PIK3C2G: variants seen among roughly 807,000 people sequenced by gnomAD.
The protein encoded by PIK3C2G is phosphatidylinositol-4-phosphate 3-kinase catalytic subunit type 2 gamma.
A neutral mutation model predicts 181.1 loss-of-function variants in PIK3C2G; 168 were observed. The observed-to-expected ratio is 0.93, with a 90% CI of 0.82 to 1.05. The LOEUF (loss-of-function observed/expected upper bound fraction) is 1.05. PIK3C2G is among the 50% of genes least tolerant of loss of function. The pLI is 0.00. For missense variants in PIK3C2G, 1,869 were observed against 1,732.8 expected, an observed-to-expected ratio of 1.08 and a Z score of -1.40; for synonymous variants, 573 against 592.2, an observed-to-expected ratio of 0.97 and a Z score of 0.47.
At chr12:18,651,346 C>T (rs1025534208), downstream of PIK3C2G, among the ~76,000 whole-genome samples, 2 of 152,132 alleles carry the variant, frequency 1.3e-5, no homozygotes, top group African/African-American at 4.8e-5. Flanking sequence ...TGCAAGCTGC[C>T]CTGTCCCTGG....
intron 24 of PIK3C2G, among the ~76,000 whole-genome samples, chr12:18,518,816 TG>T (rs1293947228): frequency 1.3e-5 from 2 of 152,206 alleles, no homozygotes; most frequent in Non-Finnish European, 2.9e-5. Context: ...TTAATTTAAT[TG>T]TGATGTTAGA....
intron 22 of PIK3C2G, 43 bp from the exon 23 acceptor site, chr12:18,503,238 G>T (rs367563369): frequency 6.8e-7 from 1 of 1,473,924 alleles, no homozygotes; most frequent in Non-Finnish European, 9.2e-7. Context: ...CCCTCATCTT[G>T]TGATGAAGGA....
At chr12:18,267,529 C>T (rs1286348345) in intron 1 of PIK3C2G, among the ~76,000 whole-genome samples, 1 of 152,122 alleles carries the variant, frequency 6.6e-6, no homozygotes, top group Non-Finnish European at 1.5e-5. Flanking sequence ...AATTACTCGT[C>T]CTTTGAATTC....
At chr12:18,684,112 A>G in the PIK3C2G span, 1 of 1,610,148 alleles carries the variant, frequency 6.2e-7, no homozygotes. Context: ...ACAATCATCT[A>G]ACTTTTAGGG....
intron 11 of PIK3C2G, among the ~76,000 whole-genome samples, chr12:18,361,687 T>G (rs1377742870): frequency 6.6e-6 from 1 of 152,188 alleles, no homozygotes; most frequent in Non-Finnish European, 1.5e-5. Context: ...GTTTTCTTGC[T>G]TTTTCTGGTG....
At chr12:18,347,211 G>A (rs986349925) in intron 11 of PIK3C2G, among the ~76,000 whole-genome samples, 3 of 149,710 alleles carry the variant, frequency 2.0e-5, no homozygotes, top group African/African-American at 7.4e-5. Flanking sequence ...GAGATAGAGA[G>A]TCTTTAAAAA....
In PIK3C2G at chr12:18,346,614, A is replaced by C. The variant is rs574040402; in HGVS notation, c.1430-27A>C. ...ATGATAAATATGGCCCTTCTTAGTG[A>C]CTTGATCTCTATCTCTTCCTTTCTA... is the stretch of plus-strand genomic sequence containing the variant. On this transcript the variant is annotated intron_variant, in intron 10 of 32. Coordinates refer to ENST00000538779, the MANE Select transcript of PIK3C2G (RefSeq NM_001288772.2). 5 of 1,441,200 alleles carry C rather than the reference A, an allele frequency of 3.5e-6. No individual in the cohort carries two copies. The East Asian group carries it at 1.2e-4, about 33-fold the overall frequency. The allele number at this position is 1,441,200 out of a possible 1,614,324, so 89.3% of individuals were successfully genotyped here. A position where few individuals can be genotyped will look rare whatever the true frequency, so the allele number is the denominator to read the frequency against.
the PIK3C2G span, among the ~76,000 whole-genome samples, chr12:18,695,428 G>A: frequency 6.6e-6 from 1 of 152,292 alleles, no homozygotes; most frequent in South Asian, 2.1e-4. Context: ...AAGAGGTAAA[G>A]ACATCAACTA....
intron 31 of PIK3C2G, among the ~76,000 whole-genome samples, chr12:18,638,583 G>A (rs1267713057): frequency 6.6e-6 from 1 of 152,170 alleles, no homozygotes. Context: ...CCACAGTACA[G>A]GAGATAAGGG....
chr12:18,562,616 C>T (rs1204906112), intron 26 of PIK3C2G, 87 bp from the exon 27 acceptor site: 8 of 798,078 alleles, frequency 1.0e-5, no homozygotes, highest in Non-Finnish European at 1.6e-5. Context: ...TCCCCTCATA[C>T]TGACAAACAC....
chr12:18,569,147 T>C (rs911766110), intron 29 of PIK3C2G, among the ~76,000 whole-genome samples: 1 of 152,032 alleles, frequency 6.6e-6, no homozygotes, highest in African/African-American at 2.4e-5. Flanking sequence ...GGTTAGAAAA[T>C]GCCACGCACC....
At chr12:18,701,046 T>C in the PIK3C2G span, among the ~76,000 whole-genome samples, 1 of 151,858 alleles carries the variant, frequency 6.6e-6, no homozygotes, top group Non-Finnish European at 1.5e-5. Flanking sequence ...GTGCAATGGC[T>C]CGATCTCGGC....
chr12:18,557,908 A>G (rs1245892664), intron 26 of PIK3C2G, among the ~76,000 whole-genome samples: 1 of 152,194 alleles, frequency 6.6e-6, no homozygotes, highest in African/African-American at 2.4e-5. Context: ...TCTTAATACT[A>G]CAGAGATGTT....
intron 16 of PIK3C2G, among the ~76,000 whole-genome samples, chr12:18,404,436 G>A (rs1944411173): frequency 6.6e-6 from 1 of 152,122 alleles, no homozygotes; most frequent in Non-Finnish European, 1.5e-5. Context: ...TCAAGCTAGA[G>A]GTTACCAGGC....
chr12:18,713,280 G>C, the PIK3C2G span, among the ~76,000 whole-genome samples: 1 of 152,044 alleles, frequency 6.6e-6, no homozygotes, highest in Admixed American at 6.6e-5. Flanking sequence ...GAGGATACCT[G>C]CTCCATAGTT....
chr12:18,691,189 G>A, the PIK3C2G span, among the ~76,000 whole-genome samples: 5 of 152,258 alleles, frequency 3.3e-5, no homozygotes, highest in East Asian at 9.7e-4. Context: ...ATGTGAAGGA[G>A]ATGTGAAAGA....
At chr12:18,255,252 T>TAAACAAACAAAC (rs764503759) in intron 1 of PIK3C2G, among the ~76,000 whole-genome samples, 296 of 143,724 alleles carry the variant, frequency 2.1e-3, no homozygotes, top group African/African-American at 7.3e-3. Context: ...AATAAATAAA[T>TAAACAAACAAAC]AAACAAACAA....
chr12:18,350,181 T>C (rs1940090262), intron 11 of PIK3C2G, among the ~76,000 whole-genome samples: 1 of 152,112 alleles, frequency 6.6e-6, no homozygotes, highest in African/African-American at 2.4e-5. Flanking sequence ...GAGCAATTAG[T>C]GGCAGTGTAA....
intron 4 of PIK3C2G, among the ~76,000 whole-genome samples, chr12:18,292,227 A>AATATATATATATATATATAT (rs1555149102): frequency 3.1e-4 from 15 of 48,708 alleles, no homozygotes; most frequent in African/African-American, 7.7e-4. Flanking sequence ...AAAAAAAAAA[A>AATATATATATATATATATAT]ATATATATAT....
Sources: allele counts gnomAD v4.1 joint callset (sites outside exome capture counted in the v4.1 genomes callset), GRCh38; gene constraint gnomAD v4.1.1; transcripts MANE v1.5; gene names NCBI Gene and HGNC (gene_info 2026-07-23, HGNC 2026-07-21).